The following ALOX5AP variants were observed in gnomAD, a reference collection of about 807,000 sequenced individuals.
The protein encoded by ALOX5AP is arachidonate 5-lipoxygenase activating protein, also known as arachidonate 5-lipoxygenase-activating protein.
Under a neutral mutation model 18.5 loss-of-function variants are expected in ALOX5AP, and 9 were observed. That is an observed-to-expected ratio of 0.49 (90% CI 0.29 to 0.85). The LOEUF (loss-of-function observed/expected upper bound fraction) is 0.85. Among genes scored for constraint, ALOX5AP ranks in the 40% least tolerant of loss-of-function variants. The probability of loss-of-function intolerance (pLI) is 0.08; values close to 1 mark genes in which losing one functional copy is unlikely to be tolerated. For missense variants in ALOX5AP, 172 were observed against 202.5 expected, an observed-to-expected ratio of 0.85 and a Z score of 0.91; for synonymous variants, 81 against 78.6, an observed-to-expected ratio of 1.03 and a Z score of -0.16.
Position 30,741,103 on chromosome 13 carries a change from C to CTTTTTTTTTTTTTTTTTTTTTTTTTT in ALOX5AP, c.71-2947_71-2922dup, listed in dbSNP as rs59980433. On this transcript the variant is annotated intron_variant, in intron 1 of 4. Transcript: ENST00000380490. Reference sequence around the variant, plus strand: ...TTAACCTACACACATCCTCCATATCCTTTTTTTTTTTTTTTTTTTTTTTTT... The same window carrying CTTTTTTTTTTTTTTTTTTTTTTTTTT: ...TTAACCTACACACATCCTCCATATCCTTTTTTTTTTTTTTTTTTTTTTTTTTTTTTTTTTTTTTTTTTTTTTTTTTT... Among the ~76,000 whole-genome samples the CTTTTTTTTTTTTTTTTTTTTTTTTTT allele has an allele frequency of 3.1e-5, 2 of 63,968 alleles. 1 individual carries two copies. The highest frequency in any genetic ancestry group is 5.5e-5 in the Non-Finnish European group (2 of 36,056). 42.0% of individuals were successfully genotyped at this position (63,968 alleles called of 152,430 possible). A position where few individuals can be genotyped will look rare whatever the true frequency, so the allele number is the denominator to read the frequency against.
At chr13:30,736,786 T>C (rs954764328) in intron 1 of ALOX5AP, among the ~76,000 whole-genome samples, 7 of 152,248 alleles carry the variant, frequency 4.6e-5, no homozygotes, top group African/African-American at 7.2e-5. Context: ...ATTTTTATAC[T>C]AAATTACACA....
chr13:30,756,868 C>T (rs1231807575), intron 4 of ALOX5AP, among the ~76,000 whole-genome samples: 1 of 142,608 alleles, frequency 7.0e-6, no homozygotes, highest in Non-Finnish European at 1.5e-5. Flanking sequence ...GTGAAACTGA[C>T]TAGCATCACC....
chr13:30,756,935 C>T (rs2137829013), intron 4 of ALOX5AP, among the ~76,000 whole-genome samples: 1 of 152,074 alleles, frequency 6.6e-6, no homozygotes, highest in Non-Finnish European at 1.5e-5. Flanking sequence ...ACAGTACCTT[C>T]CTGACATCTG....
At chr13:30,715,905 T>A (rs1417987711) in intron 1 of ALOX5AP, among the ~76,000 whole-genome samples, 1 of 152,166 alleles carries the variant, frequency 6.6e-6, no homozygotes, top group Non-Finnish European at 1.5e-5. Context: ...TAGTAAAATA[T>A]CAGCACTTAA....
chr13:30,740,834 G>A (rs989404594), intron 1 of ALOX5AP, among the ~76,000 whole-genome samples: 1 of 152,166 alleles, frequency 6.6e-6, no homozygotes, highest in African/African-American at 2.4e-5. Flanking sequence ...ACAGGGTCAA[G>A]ATCACAGTTA....
At chr13:30,722,590 G>A (rs1186676004) in intron 1 of ALOX5AP, among the ~76,000 whole-genome samples, 2 of 152,138 alleles carry the variant, frequency 1.3e-5, no homozygotes, top group African/African-American at 2.4e-5. Context: ...CAGTCCTCCT[G>A]CCCAGATGTC....
Position 30,764,125 on chromosome 13 carries a change from G to T in ALOX5AP, c.*19G>T. ...TCCCTAACTCTCTGCTGAATATGGGGTTGGTGTTCTCATCTAATCAATACC... is the reference window on the plus strand; with the variant it reads ...TCCCTAACTCTCTGCTGAATATGGGTTTGGTGTTCTCATCTAATCAATACC... On this transcript the variant is annotated 3_prime_UTR_variant, in exon 5 of 5. Transcript: ENST00000380490. 1.2e-6 allele frequency: 2 copies of T among 1,610,742 alleles called. No individual in the cohort carries two copies. The highest frequency in any genetic ancestry group is 1.7e-6 in the Non-Finnish European group (2 of 1,178,194).
intron 1 of ALOX5AP, among the ~76,000 whole-genome samples, chr13:30,715,031 G>A (rs977339847): frequency 1.2e-4 from 19 of 152,186 alleles, no homozygotes; most frequent in Admixed American, 3.9e-4. Context: ...TAGGAGGCTT[G>A]TCCTCTCTCT....
chr13:30,738,787 G>T (rs1951739933), intron 1 of ALOX5AP, among the ~76,000 whole-genome samples: 1 of 152,180 alleles, frequency 6.6e-6, no homozygotes, highest in Non-Finnish European at 1.5e-5. Context: ...GTTGTAGGGG[G>T]AGCTGGCAGG....
At chr13:30,753,570 A>G (rs1951869137) in intron 3 of ALOX5AP, among the ~76,000 whole-genome samples, 1 of 152,230 alleles carries the variant, frequency 6.6e-6, no homozygotes, top group Admixed American at 6.5e-5. Flanking sequence ...TTTCTTAGGA[A>G]TAAAGTAGAC....
intron 3 of ALOX5AP, among the ~76,000 whole-genome samples, chr13:30,753,421 T>A (rs940361907): frequency 1.2e-4 from 19 of 152,230 alleles, no homozygotes; most frequent in African/African-American, 3.9e-4. Flanking sequence ...TCTAGATGAA[T>A]GCGGACTTGC....
intron 1 of ALOX5AP, among the ~76,000 whole-genome samples, chr13:30,742,863 C>A (rs1951778410): frequency 2.3e-5 from 3 of 129,514 alleles, no homozygotes; most frequent in South Asian, 3.1e-4. Context: ...TTCACCGCCC[C>A]CCCCCCACCC....
At chr13:30,713,559 G>A in exon 1 of ALOX5AP, 2 of 597,004 alleles carry the variant, frequency 3.4e-6, no homozygotes, top group South Asian at 4.1e-5. Flanking sequence ...TCCAGGGAGG[G>A]GCAGCTCTGC....
chr13:30,715,229 C>T (rs569701058), intron 1 of ALOX5AP, among the ~76,000 whole-genome samples: 12 of 152,308 alleles, frequency 7.9e-5, no homozygotes, highest in Admixed American at 2.0e-4. Flanking sequence ...GCTTCACTTC[C>T]TCTGTAAAAA....
chr13:30,740,484 C>G (rs1951754266), intron 1 of ALOX5AP, among the ~76,000 whole-genome samples: 1 of 152,200 alleles, frequency 6.6e-6, no homozygotes, highest in Non-Finnish European at 1.5e-5. Context: ...CTCTCTCACA[C>G]TGGTTTTGGC....
intron 2 of ALOX5AP, among the ~76,000 whole-genome samples, chr13:30,750,070 T>G (rs1951839586): frequency 6.6e-6 from 1 of 152,180 alleles, no homozygotes; most frequent in Non-Finnish European, 1.5e-5. Context: ...AAAACAGATT[T>G]CTGGGCCCCA....
chr13:30,735,523 C>T (rs747442077), upstream of ALOX5AP: 2 of 1,590,666 alleles, frequency 1.3e-6, no homozygotes, highest in Non-Finnish European at 1.7e-6. Flanking sequence ...TGAAAGAGTG[C>T]AAGCTCTCAC....
chr13:30,718,382 C>CATATATAT (rs59562797), intron 1 of ALOX5AP, among the ~76,000 whole-genome samples: 6,829 of 139,458 alleles, frequency 0.049, 215 homozygotes, highest in Middle Eastern at 0.091. Context: ...CACAGATATG[C>CATATATAT]ATATATATAT....
At chr13:30,758,320 C>T (rs1280323178) in intron 4 of ALOX5AP, among the ~76,000 whole-genome samples, 3 of 152,186 alleles carry the variant, frequency 2.0e-5, no homozygotes, top group Admixed American at 6.5e-5. Context: ...TCTTCTGTTC[C>T]TGGGCTATGT....
Sources: allele counts gnomAD v4.1 joint callset (sites outside exome capture counted in the v4.1 genomes callset), GRCh38; gene constraint gnomAD v4.1.1; transcripts MANE v1.5; gene names NCBI Gene and HGNC (gene_info 2026-07-23, HGNC 2026-07-21).